The following IL1RN variants were observed in gnomAD, a reference collection of about 807,000 sequenced individuals.
IL1RN encodes interleukin-1 receptor antagonist protein.
In IL1RN, 10 loss-of-function variants were observed where a neutral mutation model predicts 13.7. The observed-to-expected ratio is 0.73, with a 90% CI of 0.45 to 1.24. The LOEUF (loss-of-function observed/expected upper bound fraction) is 1.24. Ranked by LOEUF, IL1RN falls within the 50% of genes most tolerant of loss-of-function variation. The probability of loss-of-function intolerance (pLI) is 0.00; values close to 1 mark genes in which losing one functional copy is unlikely to be tolerated. For missense variants in IL1RN, 213 were observed against 222.1 expected (o/e 0.96, Z 0.26); for synonymous variants, 102 against 82.7 (o/e 1.23, Z -1.27).
In IL1RN at chr2:113,133,710, AAT is replaced by A. The variant is rs1285398453; in HGVS notation, c.*840_*841del. ...TTCTCAGCTCCCAAGGCTCTGAGCA[AAT>A]GTGGCTCCTGGGGGTTCTTTCTTCC... is the stretch of plus-strand genomic sequence containing the variant. On this transcript the variant is annotated 3_prime_UTR_variant, in exon 4 of 4. Coordinates refer to ENST00000409930, the MANE Select transcript of IL1RN (RefSeq NM_173842.3). The A allele has an allele frequency of 6.6e-6, 1 of 152,642 alleles. No homozygotes were observed. The highest frequency in any genetic ancestry group is 1.5e-5 in the Non-Finnish European group (1 of 68,048). 9.5% of individuals were successfully genotyped at this position (152,642 alleles called of 1,614,324 possible).
upstream of IL1RN, among the ~76,000 whole-genome samples, chr2:113,116,478 G>A (rs4251957): frequency 8.6e-5 from 13 of 151,724 alleles, no homozygotes; most frequent in East Asian, 2.5e-3. Flanking sequence ...CCCTGCGGTC[G>A]GGAGCACCCA....
intron 1 of IL1RN, among the ~76,000 whole-genome samples, chr2:113,112,298 T>G (rs1686513859): frequency 6.6e-6 from 1 of 152,226 alleles, no homozygotes; most frequent in African/African-American, 2.4e-5. Context: ...TAGAGTTGTT[T>G]TTCTGGGTAT....
chr2:113,108,536 A>C (rs1686422386), upstream of IL1RN, among the ~76,000 whole-genome samples: 1 of 151,958 alleles, frequency 6.6e-6, no homozygotes, highest in African/African-American at 2.4e-5. Context: ...GGGTCCACCT[A>C]AATAATCCAG....
intron 2 of IL1RN, chr2:113,130,070 C>A: frequency 4.1e-6 from 1 of 241,078 alleles, no homozygotes; most frequent in South Asian, 5.7e-5. Flanking sequence ...TCCTGGACAC[C>A]ATACTCAGCC....
upstream of IL1RN, among the ~76,000 whole-genome samples, chr2:113,103,892 T>C (rs1686349818): frequency 3.3e-5 from 5 of 152,124 alleles, no homozygotes; most frequent in Admixed American, 6.5e-5. Context: ...CAACAATATT[T>C]TGAAAGGGAG....
chr2:113,100,676 C>G, the IL1RN span, among the ~76,000 whole-genome samples: 6 of 152,160 alleles, frequency 3.9e-5, no homozygotes, highest in Non-Finnish European at 8.8e-5. Flanking sequence ...GTGGTGCCGA[C>G]AAGAATCAAA....
chr2:113,114,411 C>A (rs1239162875), upstream of IL1RN, among the ~76,000 whole-genome samples: 1 of 26,082 alleles, frequency 3.8e-5, no homozygotes, highest in Non-Finnish European at 1.1e-4. Flanking sequence ...AGCTGCCCAC[C>A]GTTAAGTCCA....
chr2:113,127,375 A>G (rs753440770), upstream of IL1RN: 1 of 781,460 alleles, frequency 1.3e-6, no homozygotes, highest in Non-Finnish European at 1.6e-6. Flanking sequence ...GGGAAATAGA[A>G]ATCTTAATTT....
At chr2:113,120,424 A>G (rs1292415343) in intron 2 of IL1RN, among the ~76,000 whole-genome samples, 1 of 152,142 alleles carries the variant, frequency 6.6e-6, no homozygotes, top group Non-Finnish European at 1.5e-5. Flanking sequence ...GCTAATAAAA[A>G]CACTACACTG....
chr2:113,107,708 G>C (rs529339367), upstream of IL1RN, among the ~76,000 whole-genome samples: 36 of 152,328 alleles, frequency 2.4e-4, no homozygotes, highest in African/African-American at 7.2e-4. Flanking sequence ...ACTCCAGTCT[G>C]GGTGACAGAG....
At chr2:113,125,213 G>C (rs1201663026), upstream of IL1RN, among the ~76,000 whole-genome samples, 2 of 152,222 alleles carry the variant, frequency 1.3e-5, no homozygotes, top group East Asian at 3.8e-4. Context: ...TGAGAATAAA[G>C]TGATACACTT....
chr2:113,119,648 C>A (rs890013639), intron 1 of IL1RN, among the ~76,000 whole-genome samples: 1 of 152,110 alleles, frequency 6.6e-6, no homozygotes, highest in African/African-American at 2.4e-5. Context: ...AACCAGATAC[C>A]AATACATTGT....
chr2:113,128,595 A>G (rs961011099), intron 1 of IL1RN, among the ~76,000 whole-genome samples: 1 of 152,128 alleles, frequency 6.6e-6, no homozygotes, highest in African/African-American at 2.4e-5. Flanking sequence ...TGGAGGCCCC[A>G]GCAGGTGATG....
At chr2:113,125,853 C>T (rs568477628), upstream of IL1RN, among the ~76,000 whole-genome samples, 125 of 152,304 alleles carry the variant, frequency 8.2e-4, 1 homozygote, top group South Asian at 0.021. Flanking sequence ...GGCTGGAGTG[C>T]GGTGGCGTGA....
At chr2:113,128,626 C>T (rs1244860445) in intron 1 of IL1RN, among the ~76,000 whole-genome samples, 2 of 152,270 alleles carry the variant, frequency 1.3e-5, no homozygotes, top group East Asian at 3.9e-4. Flanking sequence ...CAGACTGAGG[C>T]TAAATCTAGA....
rs4252029 is a variant in IL1RN, at chr2:113,133,552, A to AT, written c.*691dup. 11 of 150,706 alleles carry AT rather than the reference A, an allele frequency of 7.3e-5. No individual in the cohort carries two copies. The highest frequency in any genetic ancestry group is 2.7e-4 in the Admixed American group (4 of 15,052). 9.3% of individuals were successfully genotyped at this position (150,706 alleles called of 1,614,324 possible). ...GTTATGGTACTATGTTAGCCCCATAATTTTTTTTTTCCTTTTAAAACACTT... is the reference window on the plus strand; with the variant it reads ...GTTATGGTACTATGTTAGCCCCATAATTTTTTTTTTTCCTTTTAAAACACTT... On this transcript the variant is annotated 3_prime_UTR_variant, in exon 4 of 4. Coordinates refer to ENST00000409930, the MANE Select transcript of IL1RN (RefSeq NM_173842.3).
chr2:113,103,830 A>G (rs1274126807), upstream of IL1RN, among the ~76,000 whole-genome samples: 4 of 152,182 alleles, frequency 2.6e-5, no homozygotes, highest in Admixed American at 2.6e-4. Context: ...TATGAATATT[A>G]TTGGGGAACT....
intron 1 of IL1RN, 130 bp from the exon 2 acceptor site, chr2:113,129,446 T>C: frequency 1.3e-6 from 1 of 745,562 alleles, no homozygotes; most frequent in Non-Finnish European, 2.5e-6. Flanking sequence ...GCCGTGGGTA[T>C]ACTAAAATAC....
exon 1 of IL1RN, chr2:113,117,989 G>A: frequency 7.3e-7 from 1 of 1,366,534 alleles, no homozygotes; most frequent in Non-Finnish European, 1.0e-6. Flanking sequence ...GAAGACCTCA[G>A]AAGACCTCCT....
Sources: gnomAD v4.1 joint callset for allele counts (sites outside exome capture counted in the v4.1 genomes callset) on GRCh38, gnomAD v4.1.1 for gene constraint, MANE v1.5 for transcripts, NCBI Gene and HGNC (gene_info 2026-07-23, HGNC 2026-07-21) for gene names.